The following FAM78B variants were observed in gnomAD, a reference collection of about 807,000 sequenced individuals.
FAM78B encodes the protein protein FAM78B.
A neutral mutation model predicts 20.0 loss-of-function variants in FAM78B; 10 were observed. The ratio of observed to expected loss-of-function variants is 0.50; its 90% CI spans 0.31 to 0.85. The LOEUF (loss-of-function observed/expected upper bound fraction) is 0.85. FAM78B is among the 40% of genes least tolerant of loss of function. The pLI is 0.05. For synonymous variants in FAM78B, 135 were observed against 132.8 expected, an observed-to-expected ratio of 1.02 and a Z score of -0.12; for missense variants, 283 against 345.0, an observed-to-expected ratio of 0.82 and a Z score of 1.42.
intron 1 of FAM78B, among the ~76,000 whole-genome samples, chr1:166,073,323 G>T (rs1652122631): frequency 6.6e-6 from 1 of 152,176 alleles, no homozygotes; most frequent in Non-Finnish European, 1.5e-5. Flanking sequence ...CTCTTCCATA[G>T]CCCTAGGGAA....
chr1:166,109,906 A>G lies in FAM78B; in HGVS notation c.264-39143T>C, dbSNP rs200657986. ...TGTATATATGTATATATATATATATATATATATATATATAATGGAATACTA... is the reference window on the plus strand; with the variant it reads ...TGTATATATGTATATATATATATATGTATATATATATATAATGGAATACTA... On this transcript the variant is annotated intron_variant, in intron 1 of 1. Transcript: ENST00000354422. 2.7e-4 allele frequency among the ~76,000 whole-genome samples: 28 copies of G among 101,966 alleles called. 2 individuals carry two copies. In the South Asian group the frequency reaches 3.9e-3, roughly 14 times the overall value. 66.9% of individuals were successfully genotyped at this position (101,966 alleles called of 152,430 possible). A position where few individuals can be genotyped will look rare whatever the true frequency, so the allele number is the denominator to read the frequency against.
chr1:166,100,365 C>T (rs1653460448), intron 1 of FAM78B, among the ~76,000 whole-genome samples: 1 of 152,186 alleles, frequency 6.6e-6, no homozygotes, highest in East Asian at 1.9e-4. Flanking sequence ...AGGTGCAGTG[C>T]ACCTAGCATG....
chr1:166,063,165 G>A (rs919780830), intron 2 of FAM78B, among the ~76,000 whole-genome samples: 7 of 152,220 alleles, frequency 4.6e-5, no homozygotes, highest in Non-Finnish European at 8.8e-5. Flanking sequence ...AGCCCAAGGG[G>A]GAAAATGCGC....
intron 1 of FAM78B, among the ~76,000 whole-genome samples, chr1:166,092,747 T>C (rs1292960848): frequency 1.3e-5 from 2 of 152,174 alleles, no homozygotes; most frequent in Admixed American, 6.6e-5. Context: ...CCAAACATAC[T>C]CTTTAAATTT....
chr1:166,159,389 G>C (rs1382761561), intron 1 of FAM78B, among the ~76,000 whole-genome samples: 1 of 152,122 alleles, frequency 6.6e-6, no homozygotes, highest in Non-Finnish European at 1.5e-5. Flanking sequence ...ATAGTACCTA[G>C]TTCCCAAGAA....
At chr1:166,139,581 T>C (rs991268164) in intron 1 of FAM78B, among the ~76,000 whole-genome samples, 6 of 151,976 alleles carry the variant, frequency 3.9e-5, no homozygotes, top group Admixed American at 3.9e-4. Flanking sequence ...GGGGAGGTGG[T>C]GAAGTCTTCC....
At chr1:166,103,496 C>G (rs929614056) in intron 1 of FAM78B, among the ~76,000 whole-genome samples, 2 of 152,006 alleles carry the variant, frequency 1.3e-5, no homozygotes, top group African/African-American at 4.8e-5. Context: ...ATCAAATAGA[C>G]ACAATAAAAA....
chr1:166,145,837 GATA>G (rs1655432878), intron 1 of FAM78B, among the ~76,000 whole-genome samples: 1 of 152,206 alleles, frequency 6.6e-6, no homozygotes, highest in South Asian at 2.1e-4. Flanking sequence ...ACAAATACTG[GATA>G]ATGAGTCAGA....
chr1:166,161,979 G>C (rs769774399), intron 1 of FAM78B, among the ~76,000 whole-genome samples: 1 of 152,142 alleles, frequency 6.6e-6, no homozygotes, highest in East Asian at 1.9e-4. Context: ...CCCAAGGAAA[G>C]CATAGAACAA....
intron 1 of FAM78B, among the ~76,000 whole-genome samples, chr1:166,117,300 G>A (rs998904975): frequency 1.4e-4 from 21 of 152,238 alleles, no homozygotes; most frequent in African/African-American, 4.8e-4. Context: ...GTAGTTTGCT[G>A]TTGCTGTAAA....
chr1:166,104,965 G>T (rs147038706), intron 1 of FAM78B, among the ~76,000 whole-genome samples: 4,439 of 152,100 alleles, frequency 0.029, 94 homozygotes, highest in Non-Finnish European at 0.049. Flanking sequence ...TACTACAAGG[G>T]TAGAGTAACC....
chr1:166,086,934 T>TACATGCAGTGTGGCC (rs553063567), intron 1 of FAM78B, among the ~76,000 whole-genome samples: 8 of 152,210 alleles, frequency 5.3e-5, no homozygotes, highest in African/African-American at 1.7e-4. Flanking sequence ...CCAGTGTGGC[T>TACATGCAGTGTGGCC]ACATGCAGTG....
Position 166,060,439 on chromosome 1 carries a change from A to G in FAM78B, c.*634T>C, listed in dbSNP as rs578163452. ...TCCCCATGGGCCAAGCAGGCAGCCC[A>G]ATCAGCCCAGGGCAAGTGCCACATG... On this transcript the variant is annotated 3_prime_UTR_variant and NMD_transcript_variant, in exon 3 of 3. Coordinates refer to the FAM78B transcript ENST00000435676. 9.1e-6 allele frequency: 4 copies of G among 441,160 alleles called. No homozygotes were observed. In the Admixed American group the frequency reaches 1.0e-4, roughly 11 times the overall value. 27.3% of individuals were successfully genotyped at this position (441,160 alleles called of 1,614,324 possible).
At chr1:166,128,554 G>C (rs552743464) in intron 1 of FAM78B, among the ~76,000 whole-genome samples, 1 of 152,370 alleles carries the variant, frequency 6.6e-6, no homozygotes, top group East Asian at 1.9e-4. Flanking sequence ...AATTGTGAAA[G>C]GCTATCCCCA....
intron 1 of FAM78B, among the ~76,000 whole-genome samples, chr1:166,117,996 G>T (rs1237691046): frequency 2.0e-5 from 3 of 152,182 alleles, no homozygotes; most frequent in African/African-American, 7.2e-5. Context: ...TCAGACTGGA[G>T]GGAAGGAGGC....
chr1:166,146,111 T>C (rs1419351294), intron 1 of FAM78B, among the ~76,000 whole-genome samples: 1 of 152,178 alleles, frequency 6.6e-6, no homozygotes, highest in African/African-American at 2.4e-5. Flanking sequence ...GGATGAAGGA[T>C]GGTTATTATT....
chr1:166,089,721 G>C (rs1353289409), intron 1 of FAM78B, among the ~76,000 whole-genome samples: 3 of 152,124 alleles, frequency 2.0e-5, no homozygotes, highest in Admixed American at 2.0e-4. Context: ...TCTGGAATGG[G>C]GGGTGAGGGG....
chr1:166,152,625 A>G (rs1384196345), intron 1 of FAM78B, among the ~76,000 whole-genome samples: 1 of 151,748 alleles, frequency 6.6e-6, no homozygotes, highest in Non-Finnish European at 1.5e-5. Context: ...TCCAAACCCC[A>G]CATGCTCAGG....
At chr1:166,126,978 T>C (rs1654667842) in intron 1 of FAM78B, among the ~76,000 whole-genome samples, 1 of 152,180 alleles carries the variant, frequency 6.6e-6, no homozygotes, top group African/African-American at 2.4e-5. Context: ...ACTCAGATAT[T>C]TGTGATCTGG....
Sources: allele counts gnomAD v4.1 joint callset (sites outside exome capture counted in the v4.1 genomes callset), GRCh38; gene constraint gnomAD v4.1.1; transcripts MANE v1.5; gene names NCBI Gene and HGNC (gene_info 2026-07-23, HGNC 2026-07-21).